Variants in PLCH2 observed in about 807,000 individuals in gnomAD.
PLCH2 encodes 1-phosphatidylinositol 4,5-bisphosphate phosphodiesterase eta-2.
A neutral mutation model predicts 134.7 loss-of-function variants in PLCH2; 98 were observed. The observed-to-expected ratio is 0.73, with a 90% confidence interval of 0.62 to 0.86. The LOEUF (loss-of-function observed/expected upper bound fraction) is 0.86, where lower values mean the gene tolerates loss of function less well. PLCH2 is among the 40% of genes least tolerant of loss of function. The probability of loss-of-function intolerance (pLI) is 0.00; values close to 1 mark genes in which losing one functional copy is unlikely to be tolerated. For synonymous variants in PLCH2, 974 were observed against 827.5 expected (o/e 1.18, Z -3.04); for missense variants, 1,994 against 1,986.6 (o/e 1.00, Z -0.07).
chr1:2,479,516 A>C, intron 2 of PLCH2: 1 of 525,716 alleles, frequency 1.9e-6, no homozygotes, highest in Non-Finnish European at 3.4e-6. Context: ...TTCCACAGGA[A>C]AGGGAAAGGG....
At chr1:2,500,042 C>T (rs1262229428) in intron 20 of PLCH2, 11 of 458,606 alleles carry the variant, frequency 2.4e-5, no homozygotes, top group Middle Eastern at 5.8e-4. Flanking sequence ...TCCACCCCTA[C>T]AGTGCTGCCA....
chr1:2,438,462 T>G (rs1489805833), intron 2 of PLCH2, among the ~76,000 whole-genome samples: 1 of 152,054 alleles, frequency 6.6e-6, no homozygotes, highest in Non-Finnish European at 1.5e-5. Flanking sequence ...CTGTACTGTC[T>G]CCCATGCCCC....
rs1039927029 is a variant in PLCH2, at chr1:2,462,023, G to GCCCCTCTGCCTGACAC, written c.116-16435_116-16420dup. 7.9e-3 allele frequency among the ~76,000 whole-genome samples: 1,193 copies of GCCCCTCTGCCTGACAC among 150,352 alleles called. 22 individuals are homozygous for GCCCCTCTGCCTGACAC. Among genetic ancestry groups the GCCCCTCTGCCTGACAC allele is most frequent in the African/African-American group, 0.027 (1,100 of 40,388 alleles). ...CCTGCACTGGCTGTGCCACTCGGCAGCCCCTCTGCCTGACACCCCCTCTGC... is the reference window on the plus strand; with the variant it reads ...CCTGCACTGGCTGTGCCACTCGGCAGCCCCTCTGCCTGACACCCCCTCTGCCTGACACCCCCTCTGC... On this transcript the variant is annotated intron_variant, in intron 2 of 3. Transcript: ENST00000609981.
At position 2,505,025 on chromosome 1, in the gene PLCH2, C is replaced by G. The variant is rs1455392781; in HGVS notation, c.4063C>G (p.Gln1355Glu). The G allele has an allele frequency of 4.5e-6, 7 of 1,544,542 alleles. No individual in the cohort carries two copies. The Middle Eastern group carries it at 5.9e-4, about 129-fold the overall frequency. Residue 1355 changes from glutamine (Q) to glutamate (E), a missense_variant, in exon 22 of 22, where the codon CAG (glutamine) becomes GAG (glutamate). Physicochemically the swap from Gln to Glu is conservative, Grantham distance 29 (BLOSUM62 2). This residue lies in a region of PLCH2 where 900 missense variants were observed against 752.3 expected (regional missense o/e 1.20). Transcript: ENST00000378486. Reference sequence around the variant, plus strand: ...GCGTGCCATTGCCAGCCGGGCCCGCCAGGCCCAGGAGCGGCAGCAGAGACT... The same window carrying G: ...GCGTGCCATTGCCAGCCGGGCCCGCGAGGCCCAGGAGCGGCAGCAGAGACT... ...RVRAIASRAR[Q>E]AQERQQRLQG...
At chr1:2,494,759 T>C in intron 11 of PLCH2, 97 bp from the exon 12 acceptor site, 3 of 775,424 alleles carry the variant, frequency 3.9e-6, no homozygotes, top group Non-Finnish European at 6.5e-6. Context: ...GCCCACCTCT[T>C]CCAGGAAGGC....
rs147430616 is a variant in PLCH2, at chr1:2,483,998, C to A, written c.646-450C>A. On this transcript the variant is annotated intron_variant, in intron 4 of 21. Transcript: ENST00000378486. ...TGACTCCCGTGTGGGGGGGCGCTGA[C>A]TCCCGTGTGGGGGGGCGCTGACTCC... 3.0e-5 allele frequency among the ~76,000 whole-genome samples: 4 copies of A among 131,236 alleles called. 1 individual carries two copies. Among genetic ancestry groups the A allele is most frequent in the African/African-American group, 1.3e-4 (4 of 31,388 alleles). The allele number at this position is 131,236 out of a possible 152,430, so 86.1% of individuals were successfully genotyped here.
Position 2,478,605 on chromosome 1 carries a change from A to C in PLCH2, c.254A>C (p.Lys85Thr), listed in dbSNP as rs1225575316. 4 of 1,610,566 alleles carry C rather than the reference A, an allele frequency of 2.5e-6. No individual in the cohort carries two copies. The highest frequency in any genetic ancestry group is 3.4e-6 in the Non-Finnish European group (4 of 1,178,980). The change falls in exon 2 of 22, where the codon AAG (lysine) becomes ACG (threonine). Residue 85 changes from lysine (K) to threonine (T), a missense_variant. Lys to Thr is a moderately conservative substitution (Grantham distance 78). This residue lies in a region of PLCH2 where 1,094 missense variants were observed against 1,234.3 expected (regional missense o/e 0.89). Coordinates refer to ENST00000378486, the MANE Select transcript of PLCH2 (RefSeq NM_014638.4). ...TGCATCCGCTGGAGGCCCTCACGCA[A>C]GAACGAGAAGGCCAAGAGTGAGTGG... ...RSCIRWRPSR[K>T]NEKAKISIDS...
At chr1:2,475,618 C>T (rs1406128497), upstream of PLCH2, among the ~76,000 whole-genome samples, 1 of 152,212 alleles carries the variant, frequency 6.6e-6, no homozygotes, top group Non-Finnish European at 1.5e-5. Context: ...GGGCGAGGCC[C>T]CTGTCCAGGT....
intron 2 of PLCH2, among the ~76,000 whole-genome samples, chr1:2,440,121 G>A (rs1284123007): frequency 1.3e-5 from 2 of 152,154 alleles, no homozygotes; most frequent in African/African-American, 4.8e-5. Flanking sequence ...CAGGGCCCTG[G>A]GTGCCAGGCT....
chr1:2,481,475 G>A (rs1641965450), intron 4 of PLCH2, among the ~76,000 whole-genome samples: 1 of 152,266 alleles, frequency 6.6e-6, no homozygotes, highest in Non-Finnish European at 1.5e-5. Context: ...ACAGAGTTGA[G>A]GCTGTGCCAG....
intron 9 of PLCH2, 86 bp from the exon 10 acceptor site, chr1:2,489,674 T>A: frequency 9.0e-7 from 1 of 1,107,950 alleles, no homozygotes; most frequent in Non-Finnish European, 1.4e-6. Context: ...GCCCCTCTCC[T>A]TGGCCGGCGG....
chr1:2,483,023 C>T (rs1642059704), intron 4 of PLCH2, among the ~76,000 whole-genome samples: 1 of 152,224 alleles, frequency 6.6e-6, no homozygotes, highest in South Asian at 2.1e-4. Flanking sequence ...GCACGCCGTC[C>T]TCAGCCTGTG....
intron 2 of PLCH2, among the ~76,000 whole-genome samples, chr1:2,441,613 G>A (rs758071916): frequency 3.9e-5 from 6 of 152,360 alleles, no homozygotes; most frequent in Non-Finnish European, 7.3e-5. Flanking sequence ...AGGGAGGAGC[G>A]GCAGCTCTGC....
upstream of PLCH2, among the ~76,000 whole-genome samples, chr1:2,421,513 C>T (rs79670281): frequency 0.015 from 2,345 of 152,260 alleles, 64 homozygotes; most frequent in African/African-American, 0.054. Flanking sequence ...CTGTGATCCA[C>T]GCTGTTATCT....
At chr1:2,502,814 GCCTGCAGGCAACCGGGGGC>G (rs1235783459) in intron 21 of PLCH2, 2 of 716,870 alleles carry the variant, frequency 2.8e-6, no homozygotes, top group African/African-American at 1.7e-5. Context: ...GCCTGAGGGT[GCCTGCAGGCAACCGGGGGC>G]CCTGCAGGGA....
At chr1:2,487,749 C>T in intron 8 of PLCH2, 31 bp downstream of exon 8, 1 of 1,603,812 alleles carries the variant, frequency 6.2e-7, no homozygotes, top group Non-Finnish European at 8.5e-7. Flanking sequence ...GGGCTGGCCC[C>T]AGAGGTGGGC....
intron 4 of PLCH2, among the ~76,000 whole-genome samples, chr1:2,483,395 G>A (rs980736432): frequency 4.6e-5 from 7 of 152,188 alleles, no homozygotes; most frequent in Non-Finnish European, 1.0e-4. Flanking sequence ...CTGAGCAGCT[G>A]GGCAGGTGTG....
intron 14 of PLCH2, 46 bp downstream of exon 14, chr1:2,496,750 C>G (rs771020662): frequency 1.9e-6 from 3 of 1,609,866 alleles, no homozygotes; most frequent in Non-Finnish European, 2.5e-6. Flanking sequence ...GCCTCCCTGT[C>G]CCCCATCCCT....
the PLCH2 span, among the ~76,000 whole-genome samples, chr1:2,416,995 A>G: frequency 2.6e-5 from 4 of 151,986 alleles, no homozygotes; most frequent in African/African-American, 9.7e-5. Context: ...CAGGAAAGAG[A>G]AATGGGGAGG....
Sources: allele counts gnomAD v4.1 joint callset (sites outside exome capture counted in the v4.1 genomes callset), GRCh38; gene constraint gnomAD v4.1.1; regional missense constraint gnomAD v4.1.1; transcripts MANE v1.5; gene names NCBI Gene and HGNC (gene_info 2026-07-23, HGNC 2026-07-21).